Variants in LCOR observed in about 807,000 individuals in gnomAD.
LCOR encodes ligand dependent nuclear receptor corepressor.
Under a neutral mutation model 64.4 loss-of-function variants are expected in LCOR, and 14 were observed. The ratio of observed to expected loss-of-function variants is 0.22; its 90% CI spans 0.14 to 0.34. The LOEUF (loss-of-function observed/expected upper bound fraction) is 0.34, where lower values mean the gene tolerates loss of function less well. Among genes scored for constraint, LCOR ranks in the 10% least tolerant of loss-of-function variants. The pLI, the probability that LCOR is intolerant of heterozygous loss-of-function variation, is 1.00. For missense variants in LCOR, 1,686 were observed against 1,765.3 expected (o/e 0.96, Z 0.80); for synonymous variants, 643 against 642.5 (o/e 1.00, Z -0.01).
In LCOR at chr10:96,973,732, T is replaced by G. The variant is rs576216508; in HGVS notation, c.333-7061T>G. On this transcript the variant is annotated intron_variant, in intron 7 of 7. Transcript: ENST00000421806. ...TCCTGGGACTCCCTGTTTCTGCTAT[T>G]AAGATTAGCTCCTATCCAAACATCA... Among the ~76,000 whole-genome samples, 13 of 152,362 alleles carry G rather than the reference T, an allele frequency of 8.5e-5. No homozygotes were observed. The South Asian group carries it at 2.7e-3, about 32-fold the overall frequency.
In LCOR at chr10:96,969,939, C is replaced by T. The variant is rs1286953549; in HGVS notation, c.333-10854C>T. On this transcript the variant is annotated intron_variant, in intron 7 of 7. Transcript: ENST00000421806. ...GGACTACAGGCACCCGCCATCACAC[C>T]TGGATAATTTTTTTTTTTTTTTTTT... 3.1e-5 allele frequency among the ~76,000 whole-genome samples: 4 copies of T among 128,268 alleles called. No individual in the cohort carries two copies. In the East Asian group the frequency reaches 9.5e-4, roughly 30 times the overall value. 84.1% of individuals were successfully genotyped at this position (128,268 alleles called of 152,430 possible).
rs977385968 is a variant in LCOR, at chr10:96,924,358, A to C, written c.-184+16611A>C. ...GCTGGGACTGCAGGCGTGTGCCTCT[A>C]CGCCCAGCCAATTTGTTTTTGTTTG... On this transcript the variant is annotated intron_variant, in intron 4 of 7. Coordinates refer to ENST00000421806, the MANE Select transcript of LCOR (RefSeq NM_001346516.2). Among the ~76,000 whole-genome samples, 57 of 150,632 alleles carry C rather than the reference A, an allele frequency of 3.8e-4. 1 individual carries two copies. The highest frequency in any genetic ancestry group is 2.9e-5 in the Non-Finnish European group (2 of 67,932).
At position 96,982,714 on chromosome 10, in the gene LCOR, A is replaced by G. The variant is rs200339447; in HGVS notation, c.2254A>G (p.Thr752Ala). The G allele has an allele frequency of 2.7e-4, 432 of 1,614,034 alleles. No homozygotes were observed. The highest frequency in any genetic ancestry group is 3.5e-4 in the Non-Finnish European group (418 of 1,180,042). The change falls in exon 8 of 8, where the codon ACT (threonine) becomes GCT (alanine). Residue 752 changes from threonine to alanine, a missense_variant. Transcript: ENST00000421806. Reference protein sequence around the residue: ...NVDPLLKESSTFTDENPSETE... With the variant: ...NVDPLLKESSAFTDENPSETE... ...CGACCCACTCTTGAAGGAAAGCAGC[A>G]CTTTTACTGATGAAAACCCCAGTGA...
In LCOR at chr10:96,955,195, A is replaced by C. The variant is rs1430872970; in HGVS notation, c.332+2999A>C. On this transcript the variant is annotated intron_variant, in intron 7 of 7. Coordinates refer to ENST00000421806, the MANE Select transcript of LCOR (RefSeq NM_001346516.2). ...GGACAACACTTAATATTATCCAGGG[A>C]AGCCTCTTGGGCAAAACCACATTAC... The C allele has an allele frequency of 5.6e-6, 9 of 1,614,088 alleles. No homozygotes were observed. Among genetic ancestry groups the C allele is most frequent in the Admixed American group, 1.7e-5 (1 of 60,002 alleles).
chr10:96,862,524 C>G (rs1362133474), intron 2 of LCOR, among the ~76,000 whole-genome samples: 8 of 152,178 alleles, frequency 5.3e-5, no homozygotes, highest in Admixed American at 3.9e-4. Flanking sequence ...CCTCAGCCTC[C>G]CAAAGTGCTG....
At chr10:96,932,383 T>C (rs1375610418) in intron 4 of LCOR, among the ~76,000 whole-genome samples, 2 of 152,154 alleles carry the variant, frequency 1.3e-5, no homozygotes, top group Non-Finnish European at 2.9e-5. Context: ...CAATAAACCA[T>C]TAAAACATAT....
At chr10:96,954,848 G>A in intron 7 of LCOR, 1 of 717,622 alleles carries the variant, frequency 1.4e-6, no homozygotes. Flanking sequence ...ATAACACAAA[G>A]TGATGTTACC....
intron 7 of LCOR, chr10:96,955,235 C>T: frequency 1.9e-6 from 3 of 1,614,156 alleles, no homozygotes; most frequent in Non-Finnish European, 2.5e-6. Context: ...TCAACCTCAG[C>T]CGTATGAAGT....
intron 2 of LCOR, among the ~76,000 whole-genome samples, chr10:96,889,186 A>T (rs979170851): frequency 3.9e-5 from 6 of 152,134 alleles, no homozygotes; most frequent in African/African-American, 1.4e-4. Context: ...AATATCCTTT[A>T]TGTCTGTGAA....
At position 96,984,089 on chromosome 10, in the gene LCOR, T is replaced by G; in HGVS notation, c.3629T>G (p.Val1210Gly). The change falls in exon 8 of 8, where the codon GTT (valine) becomes GGT (glycine). Residue 1210 changes from valine (V) to glycine (G), a missense_variant. Around this residue, in one of 3 missense-constraint regions of LCOR, gnomAD observed 1,293 missense variants for 1,410.4 expected, o/e 0.92. Transcript: ENST00000421806. ...KKLNTRLPGD[V>G]PPVKHPLQKY... Reference sequence around the variant, plus strand: ...CTCAATACTCGCCTTCCAGGAGACGTTCCCCCTGTCAAGCATCCTCTTCAG... The same window carrying G: ...CTCAATACTCGCCTTCCAGGAGACGGTCCCCCTGTCAAGCATCCTCTTCAG... 6.2e-7 allele frequency: 1 copy of G among 1,614,116 alleles called. No homozygotes were observed. The highest frequency in any genetic ancestry group is 8.5e-7 in the Non-Finnish European group (1 of 1,179,984).
rs770116436 is a variant in LCOR, at chr10:96,982,441, G to A, written c.1981G>A (p.Glu661Lys). Residue 661 changes from glutamate to lysine, a missense_variant, in exon 8 of 8, where the codon GAG becomes AAG. Coordinates refer to ENST00000421806, the MANE Select transcript of LCOR (RefSeq NM_001346516.2). Reference sequence around the variant, plus strand: ...ACCAGTTGCACTGTTGGATACGGAGGAGATGAGTGTACCCCAGGACTGTCA... The same window carrying A: ...ACCAGTTGCACTGTTGGATACGGAGAAGATGAGTGTACCCCAGGACTGTCA... ...QPPVALLDTE[E>K]MSVPQDCHLL... 1.2e-5 allele frequency: 20 copies of A among 1,614,044 alleles called. No individual in the cohort carries two copies. Among genetic ancestry groups the A allele is most frequent in the Non-Finnish European group, 1.6e-5 (19 of 1,180,014 alleles).
At chr10:96,941,236 G>C (rs1847464243) in intron 4 of LCOR, among the ~76,000 whole-genome samples, 1 of 136,596 alleles carries the variant, frequency 7.3e-6, no homozygotes, top group African/African-American at 2.7e-5. Context: ...CCGGGCGGGG[G>C]GCTGACCCCC....
chr10:96,982,048 A>G lies in LCOR; in HGVS notation c.1588A>G (p.Ser530Gly). The G allele has an allele frequency of 6.2e-7, 1 of 1,614,148 alleles. No individual in the cohort carries two copies. The highest frequency in any genetic ancestry group is 8.5e-7 in the Non-Finnish European group (1 of 1,180,024). ...ARNLHSQEKA[S>G]CSALASEAVF... ...AAATTTACACTCCCAGGAAAAAGCA[A>G]GCTGCTCAGCATTGGCATCAGAGGC... The change falls in exon 8 of 8, where the codon AGC becomes GGC. Residue 530 changes from serine (S) to glycine (G), a missense_variant. Ser to Gly is a moderately conservative substitution (Grantham distance 56, BLOSUM62 0). This residue lies in a region of LCOR where 1,293 missense variants were observed against 1,410.4 expected (regional missense o/e 0.92). Coordinates refer to ENST00000421806, the MANE Select transcript of LCOR (RefSeq NM_001346516.2).
intron 5 of LCOR, 52 bp downstream of exon 5, chr10:96,944,297 T>TC (rs1466208330): frequency 2.2e-6 from 2 of 916,142 alleles, no homozygotes; most frequent in Non-Finnish European, 2.6e-6. Flanking sequence ...GTATTATTGA[T>TC]CTCCTTAATT....
intron 4 of LCOR, among the ~76,000 whole-genome samples, chr10:96,916,653 C>T (rs1429845169): frequency 6.6e-6 from 1 of 150,712 alleles, no homozygotes; most frequent in African/African-American, 2.5e-5. Flanking sequence ...CTTGCTCTGT[C>T]TCCCAAGCTG....
intron 5 of LCOR, among the ~76,000 whole-genome samples, chr10:96,946,737 T>G (rs1250600436): frequency 2.6e-5 from 4 of 152,110 alleles, no homozygotes; most frequent in Non-Finnish European, 5.9e-5. Flanking sequence ...CTCATGACTG[T>G]GTTTTCATTC....
At chr10:96,910,594 T>C (rs896077755) in intron 4 of LCOR, among the ~76,000 whole-genome samples, 3 of 152,242 alleles carry the variant, frequency 2.0e-5, no homozygotes, top group African/African-American at 7.2e-5. Flanking sequence ...TTTTTTGTTT[T>C]GTTTTTTGGA....
chr10:96,841,716 T>C (rs1343057987), intron 2 of LCOR, among the ~76,000 whole-genome samples: 1 of 151,952 alleles, frequency 6.6e-6, no homozygotes, highest in Non-Finnish European at 1.5e-5. Flanking sequence ...TTTCCCATGA[T>C]AATTGCTATT....
intron 4 of LCOR, among the ~76,000 whole-genome samples, chr10:96,918,648 GAGA>G (rs1418571616): frequency 6.6e-6 from 1 of 152,192 alleles, no homozygotes; most frequent in African/African-American, 2.4e-5. Context: ...AAGATTGTAA[GAGA>G]ACCAACAAGG....
Sources: gnomAD v4.1 joint callset for allele counts (sites outside exome capture counted in the v4.1 genomes callset) on GRCh38, gnomAD v4.1.1 for gene constraint, gnomAD v4.1.1 regional missense constraint, MANE v1.5 for transcripts, NCBI Gene and HGNC (gene_info 2026-07-23, HGNC 2026-07-21) for gene names.